The following SHCBP1L variants were observed in gnomAD, a reference collection of about 807,000 sequenced individuals.
SHCBP1L encodes the protein SHC binding and spindle associated 1 like, also known as testicular spindle-associated protein SHCBP1L.
SHCBP1L carries 67 observed loss-of-function variants against 62.5 expected under a neutral mutation model. That is an observed-to-expected ratio of 1.07 (90% CI 0.88 to 1.31). SHCBP1L has a LOEUF of 1.31. Among genes scored for constraint, SHCBP1L ranks in the 40% most tolerant of loss-of-function variants. The pLI is 0.00. For synonymous variants in SHCBP1L, 284 were observed against 289.4 expected (o/e 0.98, Z 0.19); for missense variants, 823 against 809.8 (o/e 1.02, Z -0.20).
intron 6 of SHCBP1L, among the ~76,000 whole-genome samples, chr1:182,927,882 A>G (rs564750289): frequency 6.6e-6 from 1 of 152,268 alleles, no homozygotes; most frequent in South Asian, 2.1e-4. Context: ...GCACTGAACA[A>G]AAAAAATCAT....
At chr1:182,945,117 C>T (rs1010087179) in intron 2 of SHCBP1L, among the ~76,000 whole-genome samples, 2 of 151,976 alleles carry the variant, frequency 1.3e-5, no homozygotes, top group African/African-American at 4.8e-5. Flanking sequence ...GCGTGCGCCA[C>T]CACATCCGGC....
At chr1:182,906,971 C>A (rs980959177) in intron 6 of SHCBP1L, among the ~76,000 whole-genome samples, 3 of 151,804 alleles carry the variant, frequency 2.0e-5, no homozygotes, top group Admixed American at 2.0e-4. Context: ...GCACACATTG[C>A]CATGCCTGGG....
intron 6 of SHCBP1L, among the ~76,000 whole-genome samples, chr1:182,915,339 G>A (rs1439492863): frequency 1.3e-5 from 2 of 152,032 alleles, no homozygotes; most frequent in African/African-American, 4.8e-5. Context: ...ATTGTTGCTA[G>A]AGACAAAGAA....
intron 1 of SHCBP1L, chr1:182,951,897 G>A (rs1361303664): frequency 2.8e-6 from 1 of 361,696 alleles, no homozygotes; most frequent in South Asian, 2.0e-5. Context: ...GCTCATGCCT[G>A]TAATCCCAAC....
Position 182,902,840 on chromosome 1 carries a change from T to C in SHCBP1L, c.1710+199A>G, listed in dbSNP as rs530121597. Among the ~76,000 whole-genome samples the C allele has an allele frequency of 5.9e-5, 9 of 152,302 alleles. No homozygotes were observed. In the East Asian group the frequency reaches 1.7e-3, roughly 29 times the overall value. ...CATATTCAAGGTTATTTGCAAAGAG[T>C]TTAAGTACAAATTATTAAATTATAA... On this transcript the variant is annotated intron_variant, in intron 9 of 9. Transcript: ENST00000367547.
At chr1:182,946,084 G>T (rs1293184311) in intron 2 of SHCBP1L, among the ~76,000 whole-genome samples, 3 of 151,198 alleles carry the variant, frequency 2.0e-5, no homozygotes, top group African/African-American at 7.3e-5. Flanking sequence ...AAAAGGAAAG[G>T]TCTGATGTCT....
chr1:182,925,075 G>A (rs1650698926), intron 6 of SHCBP1L, among the ~76,000 whole-genome samples: 1 of 149,430 alleles, frequency 6.7e-6, no homozygotes, highest in African/African-American at 2.5e-5. Flanking sequence ...AGGAAGGGAA[G>A]GAAAGGAAGG....
In SHCBP1L at chr1:182,939,182, C is replaced by T. The variant is rs369915192; in HGVS notation, c.1070G>A (p.Arg357His). Reference protein sequence around the residue: ...CGLLKMWEDLRLRVHGPFFPR... With the variant: ...CGLLKMWEDLHLRVHGPFFPR... ...AAATAGAGCAAATTATTACCGGAGGCGTAAATCTTCCCACATTTTCAGTAA... is the reference window on the plus strand; with the variant it reads ...AAATAGAGCAAATTATTACCGGAGGTGTAAATCTTCCCACATTTTCAGTAA... The change falls in exon 5 of 10, where the codon CGC becomes CAC. Residue 357 changes from arginine to histidine, a missense_variant. Transcript: ENST00000367547. 9 of 1,607,622 alleles carry T rather than the reference C, an allele frequency of 5.6e-6. No homozygotes were observed. The highest frequency in any genetic ancestry group is 2.2e-5 in the South Asian group (2 of 89,494).
At chr1:182,900,605 G>C (rs961764025) in intron 9 of SHCBP1L, among the ~76,000 whole-genome samples, 1 of 152,142 alleles carries the variant, frequency 6.6e-6, no homozygotes, top group Non-Finnish European at 1.5e-5. Flanking sequence ...GCTAATTTTT[G>C]TATTTTTAGT....
intron 6 of SHCBP1L, among the ~76,000 whole-genome samples, chr1:182,926,298 A>G (rs1650745079): frequency 1.3e-5 from 2 of 152,214 alleles, no homozygotes; most frequent in African/African-American, 2.4e-5. Context: ...GTACAGATGG[A>G]AGAAAACTGA....
intron 9 of SHCBP1L, among the ~76,000 whole-genome samples, chr1:182,902,359 T>A (rs1189945029): frequency 6.6e-6 from 1 of 152,124 alleles, no homozygotes; most frequent in Non-Finnish European, 1.5e-5. Context: ...CCTTGTACCT[T>A]ATTTTCAACC....
chr1:182,930,017 C>T (rs1650907231), intron 5 of SHCBP1L, among the ~76,000 whole-genome samples: 1 of 152,138 alleles, frequency 6.6e-6, no homozygotes, highest in Admixed American at 6.5e-5. Context: ...GCAACCATTG[C>T]CTCAGCTACC....
chr1:182,906,818 G>T (rs1650031019), intron 6 of SHCBP1L, among the ~76,000 whole-genome samples: 1 of 151,632 alleles, frequency 6.6e-6, no homozygotes, highest in Non-Finnish European at 1.5e-5. Context: ...AGACTGGAGG[G>T]CTTTATTTAT....
chr1:182,903,173 A>G lies in SHCBP1L; in HGVS notation c.1588-12T>C. On this transcript the variant is annotated splice_polypyrimidine_tract_variant and intron_variant, in intron 8 of 9. Coordinates refer to ENST00000367547, the MANE Select transcript of SHCBP1L (RefSeq NM_030933.4). ...TCAACACCAGCACCCTGTAAATTAA[A>G]AGCAAATAAAACTATCTACAAAATA... The G allele has an allele frequency of 6.6e-7, 1 of 1,518,128 alleles. No individual in the cohort carries two copies. The highest frequency in any genetic ancestry group is 8.8e-7 in the Non-Finnish European group (1 of 1,135,368). 94.0% of individuals were successfully genotyped at this position (1,518,128 alleles called of 1,614,324 possible).
chr1:182,942,093 G>A (rs947039695), intron 2 of SHCBP1L: 2 of 891,628 alleles, frequency 2.2e-6, no homozygotes, highest in Non-Finnish European at 3.8e-6. Flanking sequence ...ATAAGACATG[G>A]TATATGGTAT....
intron 6 of SHCBP1L, among the ~76,000 whole-genome samples, chr1:182,907,895 G>A (rs1258748065): frequency 6.6e-6 from 1 of 152,132 alleles, no homozygotes; most frequent in East Asian, 1.9e-4. Context: ...TATTATAAAA[G>A]TGATACTTGT....
chr1:182,938,279 G>A (rs1158087871), intron 5 of SHCBP1L, among the ~76,000 whole-genome samples: 1 of 151,644 alleles, frequency 6.6e-6, no homozygotes, highest in African/African-American at 2.4e-5. Context: ...GGCTAATTTT[G>A]TGTTTTTAGT....
At chr1:182,938,489 C>A (rs1354895320) in intron 5 of SHCBP1L, among the ~76,000 whole-genome samples, 1 of 147,232 alleles carries the variant, frequency 6.8e-6, no homozygotes, top group Non-Finnish European at 1.5e-5. Flanking sequence ...GAGACAGGGT[C>A]TCGCTCTGTT....
chr1:182,910,673 T>C (rs1342440238), intron 6 of SHCBP1L, among the ~76,000 whole-genome samples: 1 of 152,214 alleles, frequency 6.6e-6, no homozygotes, highest in Non-Finnish European at 1.5e-5. Context: ...GCACATGCAC[T>C]GCAGGGCTAG....
Sources: gnomAD v4.1 joint callset for allele counts (sites outside exome capture counted in the v4.1 genomes callset) on GRCh38, gnomAD v4.1.1 for gene constraint, MANE v1.5 for transcripts, NCBI Gene and HGNC (gene_info 2026-07-23, HGNC 2026-07-21) for gene names.